NBEA: variants seen among roughly 807,000 people sequenced by gnomAD.
NBEA encodes the protein neurobeachin.
NBEA carries 44 observed loss-of-function variants against 343.4 expected under a neutral mutation model. That is an observed-to-expected ratio of 0.13 (90% CI 0.10 to 0.16). The LOEUF (loss-of-function observed/expected upper bound fraction) is 0.16, where lower values mean the gene tolerates loss of function less well. Among genes scored for constraint, NBEA ranks in the 10% least tolerant of loss-of-function variants. The pLI is 1.00. For synonymous variants in NBEA, 1,175 were observed against 1,238.7 expected (o/e 0.95, Z 1.08); for missense variants, 2,555 against 3,631.3 (o/e 0.70, Z 7.62).
chr13:34,988,420 C>T (rs1593376986), intron 1 of NBEA, among the ~76,000 whole-genome samples: 1 of 151,204 alleles, frequency 6.6e-6, no homozygotes, highest in Non-Finnish European at 1.5e-5. Flanking sequence ...ATAGAGGTAG[C>T]CGGCCTTGCT....
intron 33 of NBEA, among the ~76,000 whole-genome samples, chr13:35,222,099 T>C (rs2074400507): frequency 6.6e-6 from 1 of 152,142 alleles, no homozygotes; most frequent in African/African-American, 2.4e-5. Context: ...TTTATGATCA[T>C]ATATTAGATG....
At chr13:35,099,695 T>C (rs1357306205) in intron 11 of NBEA, among the ~76,000 whole-genome samples, 1 of 152,162 alleles carries the variant, frequency 6.6e-6, no homozygotes, top group Non-Finnish European at 1.5e-5. Flanking sequence ...GTTTTTCTGA[T>C]CTACGCATAA....
chr13:35,552,946 A>G (rs2079405272), intron 43 of NBEA, among the ~76,000 whole-genome samples: 2 of 151,686 alleles, frequency 1.3e-5, no homozygotes, highest in Admixed American at 6.6e-5. Flanking sequence ...GCTGGAGTGC[A>G]GTGGCGTGAT....
At chr13:35,270,854 T>G (rs946689347) in intron 34 of NBEA, among the ~76,000 whole-genome samples, 6 of 152,214 alleles carry the variant, frequency 3.9e-5, no homozygotes, top group African/African-American at 1.2e-4. Flanking sequence ...AAGCTTGAAC[T>G]GGGCAGAGCC....
intron 24 of NBEA, among the ~76,000 whole-genome samples, chr13:35,167,662 T>C (rs1446608911): frequency 6.6e-6 from 1 of 151,896 alleles, no homozygotes; most frequent in Non-Finnish European, 1.5e-5. Flanking sequence ...GTATGTAGTT[T>C]GGCCAATCTT....
chr13:35,192,016 A>C (rs758585805), intron 30 of NBEA, among the ~76,000 whole-genome samples: 1 of 152,070 alleles, frequency 6.6e-6, no homozygotes, highest in Non-Finnish European at 1.5e-5. Context: ...AAAAAGAGAC[A>C]TCTGGCATCC....
chr13:35,275,284 TG>T (rs1355268377), intron 34 of NBEA, among the ~76,000 whole-genome samples: 1 of 152,132 alleles, frequency 6.6e-6, no homozygotes, highest in African/African-American at 2.4e-5. Flanking sequence ...TAAATGGTGC[TG>T]GGAAAACTAG....
intron 38 of NBEA, among the ~76,000 whole-genome samples, chr13:35,373,497 G>A (rs2041562831): frequency 1.3e-5 from 2 of 152,020 alleles, no homozygotes; most frequent in Admixed American, 1.3e-4. Flanking sequence ...TTGAGTCCAG[G>A]AGTTTGAGAC....
At chr13:35,077,241 C>G (rs1046101606) in intron 10 of NBEA, among the ~76,000 whole-genome samples, 1 of 152,094 alleles carries the variant, frequency 6.6e-6, no homozygotes, top group Non-Finnish European at 1.5e-5. Context: ...CTGGTAACTT[C>G]CAGTGCTTAT....
At chr13:35,290,530 T>C in intron 35 of NBEA, 80 bp downstream of exon 35, 2 of 895,044 alleles carry the variant, frequency 2.2e-6, no homozygotes, top group Non-Finnish European at 3.5e-6. Context: ...TGCATATATA[T>C]GTGTATGTTT....
chr13:35,530,744 C>T (rs1272855103), intron 41 of NBEA, among the ~76,000 whole-genome samples: 1 of 147,200 alleles, frequency 6.8e-6, no homozygotes, highest in African/African-American at 2.5e-5. Flanking sequence ...TGGTGATCTG[C>T]ACAATGGAGG....
intron 18 of NBEA, among the ~76,000 whole-genome samples, chr13:35,154,408 T>G (rs182656911): frequency 1.3e-5 from 2 of 152,304 alleles, no homozygotes; most frequent in Non-Finnish European, 2.9e-5. Flanking sequence ...AACTGTTTAT[T>G]CAGAATTTGC....
At chr13:35,238,590 G>A (rs896608879) in intron 34 of NBEA, among the ~76,000 whole-genome samples, 22 of 152,160 alleles carry the variant, frequency 1.4e-4, no homozygotes, top group African/African-American at 5.3e-4. Context: ...GCTTAGCCAG[G>A]CCTATTACTT....
At chr13:35,000,593 A>ACAC (rs1555271795) in intron 1 of NBEA, among the ~76,000 whole-genome samples, 1 of 147,758 alleles carries the variant, frequency 6.8e-6, no homozygotes, top group African/African-American at 2.5e-5. Context: ...TAATATATAT[A>ACAC]ACACACACAC....
chr13:35,530,781 G>A (rs2078225678), intron 41 of NBEA, among the ~76,000 whole-genome samples: 2 of 152,174 alleles, frequency 1.3e-5, no homozygotes, highest in Admixed American at 6.5e-5. Context: ...CTTGTGATAA[G>A]CCAATTACAA....
chr13:35,336,210 A>C (rs1340062211), intron 36 of NBEA, among the ~76,000 whole-genome samples: 1 of 152,120 alleles, frequency 6.6e-6, no homozygotes, highest in Non-Finnish European at 1.5e-5. Flanking sequence ...AATCCTAGGG[A>C]AGAGAGAGAA....
At chr13:35,532,179 C>T (rs934474800) in intron 41 of NBEA, among the ~76,000 whole-genome samples, 1 of 152,080 alleles carries the variant, frequency 6.6e-6, no homozygotes, top group African/African-American at 2.4e-5. Flanking sequence ...TATTTAGCTT[C>T]GATTTGTCAT....
intron 38 of NBEA, among the ~76,000 whole-genome samples, chr13:35,352,574 T>C (rs2040248736): frequency 6.6e-6 from 1 of 152,026 alleles, no homozygotes; most frequent in Admixed American, 6.6e-5. Flanking sequence ...ATACAAAATA[T>C]GGTTAGGCAA....
At chr13:35,505,907 G>A (rs928364056) in intron 41 of NBEA, among the ~76,000 whole-genome samples, 6 of 152,012 alleles carry the variant, frequency 3.9e-5, no homozygotes, top group Non-Finnish European at 8.8e-5. Flanking sequence ...TAAATATTTT[G>A]CATATAAAAA....
Sources: gnomAD v4.1 joint callset for allele counts (sites outside exome capture counted in the v4.1 genomes callset) on GRCh38, gnomAD v4.1.1 for gene constraint, MANE v1.5 for transcripts, NCBI Gene and HGNC (gene_info 2026-07-23, HGNC 2026-07-21) for gene names.